Variants in KLRG1 observed in about 807,000 individuals in gnomAD.
KLRG1 encodes killer cell lectin like receptor G1.
In KLRG1, 16 loss-of-function variants were observed where a neutral mutation model predicts 21.8. That is an observed-to-expected ratio of 0.73 (90% CI 0.50 to 1.11). The LOEUF (loss-of-function observed/expected upper bound fraction) is 1.11, where lower values mean the gene tolerates loss of function less well. Ranked by LOEUF, KLRG1 falls within the 50% of genes most tolerant of loss-of-function variation. The pLI is 0.00. For missense variants in KLRG1, 173 were observed against 218.3 expected (o/e 0.79, Z 1.31); for synonymous variants, 69 against 75.9 (o/e 0.91, Z 0.47).
At chr12:8,999,960 C>T (rs895345160) in intron 3 of KLRG1, among the ~76,000 whole-genome samples, 2 of 151,874 alleles carry the variant, frequency 1.3e-5, no homozygotes, top group South Asian at 4.2e-4. Flanking sequence ...ACTTGAGCCC[C>T]GGAGGCAGAG....
At chr12:9,070,339 A>G in the KLRG1 span, 1 of 631,540 alleles carries the variant, frequency 1.6e-6, no homozygotes, top group Middle Eastern at 3.0e-4. Context: ...ATTCATACAA[A>G]CACATGTGAT....
the KLRG1 span, chr12:9,128,689 T>C: frequency 2.0e-5 from 3 of 152,144 alleles, no homozygotes; most frequent in African/African-American, 7.2e-5. Context: ...GGGAGGATCC[T>C]GGGTAGGGGA....
the KLRG1 span, among the ~76,000 whole-genome samples, chr12:9,120,175 T>C: frequency 2.6e-5 from 4 of 152,258 alleles, no homozygotes; most frequent in Non-Finnish European, 5.9e-5. Context: ...ATTTCATCTC[T>C]GTTCTGGGTT....
the KLRG1 span, among the ~76,000 whole-genome samples, chr12:9,120,381 T>C: frequency 6.6e-6 from 1 of 151,872 alleles, no homozygotes; most frequent in East Asian, 1.9e-4. Context: ...AGATAGTCCA[T>C]GGAAAAGAAA....
the KLRG1 span, among the ~76,000 whole-genome samples, chr12:9,159,766 C>T: frequency 2.0e-5 from 3 of 151,584 alleles, no homozygotes; most frequent in Admixed American, 6.6e-5. Flanking sequence ...GATGCGGCCC[C>T]TAGACTTTTG....
chr12:9,090,000 C>T, the KLRG1 span: 63 of 1,597,326 alleles, frequency 3.9e-5, 1 homozygote, highest in Middle Eastern at 6.6e-4. Context: ...AGTGCCTCTG[C>T]GCTCACAGTG....
the KLRG1 span, among the ~76,000 whole-genome samples, chr12:9,175,064 C>G: frequency 6.6e-6 from 1 of 152,184 alleles, no homozygotes; most frequent in Admixed American, 6.5e-5. Flanking sequence ...TCAAACTTTA[C>G]TACAAGGTTA....
At chr12:8,986,034 AG>A (rs1946837634), upstream of KLRG1, among the ~76,000 whole-genome samples, 1 of 152,238 alleles carries the variant, frequency 6.6e-6, no homozygotes, top group Non-Finnish European at 1.5e-5. Context: ...ATTATAAGAA[AG>A]GACTGTAACA....
At chr12:9,195,611 ATTTTTTT>A in the KLRG1 span, among the ~76,000 whole-genome samples, 22 of 104,248 alleles carry the variant, frequency 2.1e-4, no homozygotes, top group South Asian at 3.2e-4. Flanking sequence ...CCCACTGCTA[ATTTTTTT>A]TTTTTTTTTT....
At chr12:8,981,502 T>C (rs1325550090) in intron 1 of KLRG1, among the ~76,000 whole-genome samples, 2 of 152,116 alleles carry the variant, frequency 1.3e-5, no homozygotes, top group East Asian at 3.8e-4. Context: ...TATTTTTTTC[T>C]TTTACCCATG....
the KLRG1 span, chr12:9,115,730 G>A: frequency 3.3e-6 from 5 of 1,535,892 alleles, no homozygotes; most frequent in African/African-American, 4.1e-5. Flanking sequence ...AAGGACTCTA[G>A]GTTCATGCTT....
At chr12:9,092,551 G>A in the KLRG1 span, among the ~76,000 whole-genome samples, 1 of 152,302 alleles carries the variant, frequency 6.6e-6, no homozygotes, top group African/African-American at 2.4e-5. Context: ...GCCTGAAAGG[G>A]AGTATATGGC....
Position 8,989,547 on chromosome 12 carries a change from G to A in KLRG1, c.-89G>A, listed in dbSNP as rs189601664. 5.8e-5 allele frequency: 46 copies of A among 789,632 alleles called. No homozygotes were observed. The African/African-American group carries it at 7.6e-4, about 13-fold the overall frequency. The allele number at this position is 789,632 out of a possible 1,614,324, so 48.9% of individuals were successfully genotyped here. Reference sequence around the variant, plus strand: ...TGTGAAGTTTCCTGCTAGCAGTTTAGAGATTGGGCTGTTTCCTCACTGATA... The same window carrying A: ...TGTGAAGTTTCCTGCTAGCAGTTTAAAGATTGGGCTGTTTCCTCACTGATA... On this transcript the variant is annotated 5_prime_UTR_variant, in exon 1 of 5. Transcript: ENST00000356986.
the KLRG1 span, among the ~76,000 whole-genome samples, chr12:9,032,448 G>A: frequency 1.6e-4 from 25 of 152,214 alleles, no homozygotes; most frequent in African/African-American, 4.6e-4. Flanking sequence ...AGATGTCTTC[G>A]GTGATTCCTC....
chr12:9,170,905 C>T, the KLRG1 span, among the ~76,000 whole-genome samples: 2 of 152,194 alleles, frequency 1.3e-5, no homozygotes, highest in African/African-American at 4.8e-5. This position sits in a 1 kb window ranked among gnomAD's most constrained non-coding sequence, Gnocchi z 4.6. Flanking sequence ...GTTTGGTTGA[C>T]TCTGCCACTC....
At chr12:9,156,062 A>G in the KLRG1 span, 3 of 215,944 alleles carry the variant, frequency 1.4e-5, no homozygotes, top group African/African-American at 7.0e-5. Flanking sequence ...CTGAGATTAG[A>G]AAGAGTGTGC....
At chr12:9,019,743 C>T in the KLRG1 span, among the ~76,000 whole-genome samples, 1 of 152,110 alleles carries the variant, frequency 6.6e-6, no homozygotes, top group Non-Finnish European at 1.5e-5. Flanking sequence ...TTTCTGATTT[C>T]TTCCTTTAAA....
chr12:9,192,158 G>A, the KLRG1 span: 7 of 1,571,098 alleles, frequency 4.5e-6, no homozygotes, highest in Non-Finnish European at 6.1e-6. Context: ...GGATGTGTTA[G>A]GGGAGCAAGG....
chr12:9,070,914 G>T, the KLRG1 span, among the ~76,000 whole-genome samples: 3 of 151,670 alleles, frequency 2.0e-5, no homozygotes, highest in Non-Finnish European at 4.4e-5. Context: ...TCCGCCTCCT[G>T]GGTTCAAGTG....
Sources: gnomAD v4.1 joint callset for allele counts (sites outside exome capture counted in the v4.1 genomes callset) on GRCh38, gnomAD v4.1.1 for gene constraint, Gnocchi (gnomAD v3.1) non-coding constraint, MANE v1.5 for transcripts, NCBI Gene and HGNC (gene_info 2026-07-23, HGNC 2026-07-21) for gene names.